Variants in CHN2 observed in about 807,000 individuals in gnomAD.
CHN2 encodes the protein beta-chimaerin.
CHN2 carries 35 observed loss-of-function variants against 56.3 expected under a neutral mutation model. The ratio of observed to expected loss-of-function variants is 0.62; its 90% CI spans 0.47 to 0.82. The LOEUF (loss-of-function observed/expected upper bound fraction) is 0.82, where lower values mean the gene tolerates loss of function less well. CHN2 is among the 40% of genes least tolerant of loss of function. The probability of loss-of-function intolerance (pLI) is 0.00; values close to 1 mark genes in which losing one functional copy is unlikely to be tolerated. For missense variants in CHN2, 491 were observed against 580.5 expected (o/e 0.85, Z 1.58); for synonymous variants, 210 against 212.8 (o/e 0.99, Z 0.12).
chr7:29,445,944 C>A (rs849915), intron 6 of CHN2, among the ~76,000 whole-genome samples: 1 of 151,466 alleles, frequency 6.6e-6, no homozygotes, highest in Non-Finnish European at 1.5e-5. Flanking sequence ...ACTGTGGAGC[C>A]GGAAGTGGCT....
chr7:29,359,435 G>C (rs1048718778), intron 2 of CHN2, among the ~76,000 whole-genome samples: 4 of 152,148 alleles, frequency 2.6e-5, no homozygotes. Context: ...CTTAAGCCGG[G>C]CACTGTGCTT....
intron 1 of CHN2, among the ~76,000 whole-genome samples, chr7:29,283,279 C>G (rs577016257): frequency 6.6e-6 from 1 of 152,266 alleles, no homozygotes; most frequent in Non-Finnish European, 1.5e-5. Flanking sequence ...TCATTTTCCC[C>G]ACTAGACAGA....
chr7:29,199,356 G>T (rs545800606), intron 1 of CHN2, among the ~76,000 whole-genome samples: 6 of 152,304 alleles, frequency 3.9e-5, no homozygotes, highest in African/African-American at 1.4e-4. Flanking sequence ...TTCTCACTGA[G>T]AAGTTTTCTT....
chr7:29,427,040 G>A (rs1804931420), intron 6 of CHN2, among the ~76,000 whole-genome samples: 2 of 152,202 alleles, frequency 1.3e-5, no homozygotes, highest in Admixed American at 1.3e-4. Flanking sequence ...TTATCTGGCT[G>A]GGTGCAGTGG....
At chr7:29,403,821 G>A (rs922173685) in intron 6 of CHN2, among the ~76,000 whole-genome samples, 2 of 152,172 alleles carry the variant, frequency 1.3e-5, no homozygotes, top group Non-Finnish European at 2.9e-5. Flanking sequence ...TTTCTTCTAT[G>A]AAACGCATTT....
intron 3 of CHN2, among the ~76,000 whole-genome samples, chr7:29,386,588 GATA>G (rs145900664): frequency 0.016 from 2,428 of 152,304 alleles, 79 homozygotes; most frequent in African/African-American, 0.055. Context: ...TCTAGGCAAT[GATA>G]ATCTGACTAT....
At chr7:29,165,078 A>G (rs904329920) in intron 2 of CHN2, among the ~76,000 whole-genome samples, 12 of 149,446 alleles carry the variant, frequency 8.0e-5, no homozygotes, top group African/African-American at 2.0e-4. Context: ...CAGTTTGTCA[A>G]TTTCTAAAAA....
chr7:29,165,089 A>G (rs11975309), intron 2 of CHN2, among the ~76,000 whole-genome samples: 160 of 152,228 alleles, frequency 1.1e-3, no homozygotes, highest in Non-Finnish European at 1.8e-3. Context: ...TTTCTAAAAA[A>G]CAAGCCTGCT....
intron 6 of CHN2, among the ~76,000 whole-genome samples, chr7:29,472,279 A>ACG (rs1786133549): frequency 1.4e-5 from 2 of 138,702 alleles, no homozygotes; most frequent in South Asian, 2.2e-4. Context: ...AAATACACAC[A>ACG]CACACACACA....
intron 3 of CHN2, among the ~76,000 whole-genome samples, chr7:29,382,254 G>A (rs1373865270): frequency 2.0e-5 from 3 of 152,156 alleles, no homozygotes; most frequent in East Asian, 1.9e-4. Context: ...AATTCCAGGG[G>A]CAGAGCATCT....
At chr7:29,198,027 A>G (rs1338271102) in intron 1 of CHN2, 2 of 456,322 alleles carry the variant, frequency 4.4e-6, no homozygotes, top group Admixed American at 4.7e-5. Context: ...TGGGAAAGTT[A>G]TGCTTACAGG....
At chr7:29,509,533 C>A in intron 12 of CHN2, 127 bp downstream of exon 12, 2 of 678,992 alleles carry the variant, frequency 2.9e-6, no homozygotes, top group Non-Finnish European at 5.1e-6. Context: ...CCACTCCAGG[C>A]ACTTTCAGTG....
intron 1 of CHN2, among the ~76,000 whole-genome samples, chr7:29,297,238 GC>G (rs1452084478): frequency 2.0e-5 from 3 of 152,166 alleles, no homozygotes; most frequent in African/African-American, 7.2e-5. Flanking sequence ...CAGGCTCCTC[GC>G]CCCTGCAAAG....
intron 2 of CHN2, among the ~76,000 whole-genome samples, chr7:29,362,678 C>G (rs928778263): frequency 6.6e-6 from 1 of 152,214 alleles, no homozygotes; most frequent in African/African-American, 2.4e-5. Context: ...TTTCCTCTAT[C>G]TGTAACTCTC....
At chr7:29,229,417 T>G (rs1053742997) in intron 1 of CHN2, among the ~76,000 whole-genome samples, 10 of 152,034 alleles carry the variant, frequency 6.6e-5, no homozygotes, top group Admixed American at 4.6e-4. Flanking sequence ...GAAAAAAAAA[T>G]CACTGATGAT....
intron 2 of CHN2, among the ~76,000 whole-genome samples, chr7:29,158,632 G>C (rs952301888): frequency 2.0e-5 from 3 of 151,028 alleles, no homozygotes; most frequent in Non-Finnish European, 4.4e-5. Flanking sequence ...TGCCTGAATA[G>C]GTGAATTATG....
intron 2 of CHN2, among the ~76,000 whole-genome samples, chr7:29,367,498 C>T (rs1297423881): frequency 6.6e-6 from 1 of 152,226 alleles, no homozygotes; most frequent in African/African-American, 2.4e-5. Context: ...GAGAATCACA[C>T]TCCTCTTAAA....
intron 6 of CHN2, among the ~76,000 whole-genome samples, chr7:29,411,558 C>G (rs1562586320): frequency 6.6e-6 from 1 of 152,142 alleles, no homozygotes; most frequent in Non-Finnish European, 1.5e-5. Context: ...CCGAAGGACC[C>G]CGTGTCCCTG....
At chr7:29,412,577 C>A (rs1283404286) in intron 6 of CHN2, among the ~76,000 whole-genome samples, 2 of 152,134 alleles carry the variant, frequency 1.3e-5, no homozygotes, top group Non-Finnish European at 1.5e-5. Flanking sequence ...GATCCGCCCA[C>A]CTTGGCTTCC....
Sources: gnomAD v4.1 joint callset for allele counts (sites outside exome capture counted in the v4.1 genomes callset) on GRCh38, gnomAD v4.1.1 for gene constraint, MANE v1.5 for transcripts, NCBI Gene and HGNC (gene_info 2026-07-23, HGNC 2026-07-21) for gene names.